Variants in NEK1 observed in about 807,000 individuals in gnomAD.
The protein encoded by NEK1 is serine/threonine-protein kinase Nek1.
Under a neutral mutation model 182.1 loss-of-function variants are expected in NEK1, and 137 were observed. The observed-to-expected ratio is 0.75, with a 90% CI of 0.65 to 0.87. The LOEUF (loss-of-function observed/expected upper bound fraction) is 0.87, where lower values mean the gene tolerates loss of function less well. NEK1 is among the 40% of genes least tolerant of loss of function. NEK1 has a pLI of 0.00. For missense variants in NEK1, 1,391 were observed against 1,494.4 expected (o/e 0.93, Z 1.14); for synonymous variants, 513 against 492.2 (o/e 1.04, Z -0.56).
intron 27 of NEK1, among the ~76,000 whole-genome samples, chr4:169,447,254 G>A (rs914711243): frequency 6.6e-6 from 1 of 151,840 alleles, no homozygotes; most frequent in Non-Finnish European, 1.5e-5. Flanking sequence ...GAGAGTGACA[G>A]GACATATTTA....
At chr4:169,595,238 T>G (rs372322969) in intron 5 of NEK1, among the ~76,000 whole-genome samples, 9 of 152,280 alleles carry the variant, frequency 5.9e-5, no homozygotes, top group African/African-American at 1.4e-4. Context: ...CAAGAATTAC[T>G]AGGAATGAAT....
At position 169,588,723 on chromosome 4, in the gene NEK1, C is replaced by A. The variant is rs1279169861; in HGVS notation, c.477G>T (p.Leu159=). 1.3e-6 allele frequency: 2 copies of A among 1,544,486 alleles called. No individual in the cohort carries two copies. Among genetic ancestry groups the A allele is most frequent in the Non-Finnish European group, 1.8e-6 (2 of 1,140,514 alleles). ...ATGGGGTCCCTATGCAAGTTCGAGC[C>A]AGCTCTACAGTACTAGAAGAAAAAT... ...IARVLNSTVE[L]ARTCIGTPYY... Residue 159 remains leucine, a synonymous_variant, in exon 8 of 36, where the codon CTG becomes CTT. Coordinates refer to ENST00000507142, the MANE Select transcript of NEK1 (RefSeq NM_001199397.3).
chr4:169,588,594 G>T, intron 8 of NEK1, 55 bp downstream of exon 8: 1 of 1,034,564 alleles, frequency 9.7e-7, no homozygotes, highest in Non-Finnish European at 1.5e-6. Context: ...TAATAAACAT[G>T]ACAACAAAAA....
At chr4:169,611,807 CG>C (rs1772366882) in intron 2 of NEK1, among the ~76,000 whole-genome samples, 1 of 152,128 alleles carries the variant, frequency 6.6e-6, no homozygotes. Context: ...ATCCCATTAC[CG>C]CTCTAGTTTT....
rs1737847989 is a variant in NEK1 at position 169,433,681 on chromosome 4, G to GT, written c.2765-17dup. On this transcript the variant is annotated splice_polypyrimidine_tract_variant and intron_variant, in intron 28 of 35. Transcript: ENST00000507142. ...TCATCAGGTTCTGCAAAGGATAAAC[G>GT]TAACGAGAGACATCTCAAAGCAAAA... The GT allele has an allele frequency of 1.9e-6, 3 of 1,610,694 alleles. No homozygotes were observed.
At chr4:169,453,686 C>T (rs1020757712) in intron 27 of NEK1, among the ~76,000 whole-genome samples, 24 of 152,266 alleles carry the variant, frequency 1.6e-4, no homozygotes, top group Non-Finnish European at 3.5e-4. Context: ...CAACCTATTC[C>T]TTTAATTCGG....
At position 169,562,133 on chromosome 4, in the gene NEK1, A is replaced by T; in HGVS notation, c.1080+4T>A. On this transcript the variant is annotated splice_donor_region_variant and intron_variant, in intron 13 of 35. Transcript: ENST00000507142. ...TTAAAATAACCAGACAGATGTCTTT[A>T]TACCTCAGATATTTTCCTCCTTTCT... is the stretch of plus-strand genomic sequence containing the variant. The T allele has an allele frequency of 6.5e-7, 1 of 1,527,316 alleles. No homozygotes were observed. The highest frequency in any genetic ancestry group is 8.9e-7 in the Non-Finnish European group (1 of 1,128,474). The allele number at this position is 1,527,316 out of a possible 1,614,324, so 94.6% of individuals were successfully genotyped here.
chr4:169,441,156 T>C (rs1739375237), intron 27 of NEK1, among the ~76,000 whole-genome samples: 1 of 152,188 alleles, frequency 6.6e-6, no homozygotes, highest in African/African-American at 2.4e-5. Flanking sequence ...AAAAGGGAGC[T>C]GAAGCATGTG....
chr4:169,558,445 T>A (rs59580257), intron 16 of NEK1, among the ~76,000 whole-genome samples: 14,733 of 152,260 alleles, frequency 0.097, 795 homozygotes, highest in East Asian at 0.17. Context: ...ATGCTCGCAC[T>A]GTCAGCAACC....
chr4:169,500,639 A>G lies in NEK1; in HGVS notation c.2007+6398T>C, dbSNP rs899546360. 7.9e-5 allele frequency among the ~76,000 whole-genome samples: 12 copies of G among 152,332 alleles called. No individual in the cohort carries two copies. In the Middle Eastern group the frequency reaches 0.01, roughly 130 times the overall value. ...TTAAAGAAAAGAAATGCCAGCCAAGAATTTCACAGCCTGCCAAGCTAAGTA... is the reference window on the plus strand; with the variant it reads ...TTAAAGAAAAGAAATGCCAGCCAAGGATTTCACAGCCTGCCAAGCTAAGTA... On this transcript the variant is annotated intron_variant, in intron 23 of 35. Transcript: ENST00000507142.
chr4:169,516,278 T>G (rs545534301), intron 19 of NEK1, among the ~76,000 whole-genome samples: 10,491 of 113,146 alleles, frequency 0.093, 1,546 homozygotes, highest in African/African-American at 0.23. Flanking sequence ...TCTTCATGTG[T>G]TTTTTGGCTG....
intron 31 of NEK1, among the ~76,000 whole-genome samples, chr4:169,411,302 T>C (rs1313190101): frequency 6.6e-6 from 1 of 151,210 alleles, no homozygotes; most frequent in Non-Finnish European, 1.5e-5. Context: ...TTTTTTTTTT[T>C]AGTCTCAGTG....
chr4:169,534,958 T>C (rs760865004), intron 19 of NEK1, among the ~76,000 whole-genome samples: 6 of 152,138 alleles, frequency 3.9e-5, no homozygotes, highest in Non-Finnish European at 8.8e-5. Flanking sequence ...TCCGTATGTT[T>C]AACAACATGA....
intron 23 of NEK1, among the ~76,000 whole-genome samples, chr4:169,494,971 T>C (rs982036242): frequency 5.9e-5 from 9 of 152,224 alleles, no homozygotes; most frequent in Middle Eastern, 3.2e-3. Context: ...TTTGAGTTCA[T>C]TGTAGATTCT....
At chr4:169,604,074 T>TG (rs1299661989) in intron 2 of NEK1, among the ~76,000 whole-genome samples, 2 of 152,214 alleles carry the variant, frequency 1.3e-5, no homozygotes. Flanking sequence ...TATACTGAGT[T>TG]GGTCTTTAAT....
At chr4:169,512,957 G>A (rs1460956588) in intron 19 of NEK1, among the ~76,000 whole-genome samples, 1 of 152,038 alleles carries the variant, frequency 6.6e-6, no homozygotes, top group Non-Finnish European at 1.5e-5. Context: ...ATTGATCTAT[G>A]TGTCTATCCC....
chr4:169,539,008 T>C (rs954829281), intron 18 of NEK1, among the ~76,000 whole-genome samples: 1 of 152,164 alleles, frequency 6.6e-6, no homozygotes, highest in Non-Finnish European at 1.5e-5. Context: ...TAAGGTTCAT[T>C]TACCTCATGT....
rs1731691412 is a variant in NEK1 at position 169,401,566 on chromosome 4, G to A, written c.3583+86C>T. 5 of 1,156,440 alleles carry A rather than the reference G, an allele frequency of 4.3e-6. No individual in the cohort carries two copies. In the Admixed American group the frequency reaches 1.0e-4, roughly 24 times the overall value. 71.6% of individuals were successfully genotyped at this position (1,156,440 alleles called of 1,614,324 possible). ...TCAGTTGTATTTAAAGTTGGAAATG[G>A]TTCACAGCAGAGATTAGAAAAATAC... On this transcript the variant is annotated intron_variant, in intron 33 of 35. Coordinates refer to ENST00000507142, the MANE Select transcript of NEK1 (RefSeq NM_001199397.3).
chr4:169,539,853 G>A (rs536318022), intron 18 of NEK1, among the ~76,000 whole-genome samples: 2 of 152,166 alleles, frequency 1.3e-5, no homozygotes, highest in Admixed American at 1.3e-4. Context: ...AACTTTTACG[G>A]AAGTAAAGCA....
Sources: gnomAD v4.1 joint callset for allele counts (sites outside exome capture counted in the v4.1 genomes callset) on GRCh38, gnomAD v4.1.1 for gene constraint, MANE v1.5 for transcripts, NCBI Gene and HGNC (gene_info 2026-07-23, HGNC 2026-07-21) for gene names.